Variants in PELP1 observed in about 807,000 individuals in gnomAD.
PELP1 encodes proline, glutamate and leucine rich protein 1, also known as proline-, glutamic acid- and leucine-rich protein 1.
In PELP1, 32 loss-of-function variants were observed where a neutral mutation model predicts 95.5. That is an observed-to-expected ratio of 0.34 (90% CI 0.25 to 0.45). PELP1 has a LOEUF of 0.45. Ranked by LOEUF, PELP1 falls within the 20% of genes least tolerant of loss-of-function variation. The pLI is 1.00. For missense variants in PELP1, 1,358 were observed against 1,444.8 expected (o/e 0.94, Z 0.97); for synonymous variants, 668 against 600.1 (o/e 1.11, Z -1.65).
rs202011755 is a variant in PELP1 at position 4,703,940 on chromosome 17, G to A, written c.172C>T (p.Pro58Ser). 2,929 of 1,613,496 alleles carry A rather than the reference G, an allele frequency of 1.8e-3. 3 individuals are homozygous for A. Among genetic ancestry groups the A allele is most frequent in the Non-Finnish European group, 2.4e-3 (2,775 of 1,179,754 alleles). Residue 58 changes from proline to serine, a missense_variant, in exon 1 of 17, where the codon CCC becomes TCC. By Grantham distance (74) the Pro-to-Ser change is moderately conservative. This residue lies in a region of PELP1 where 169 missense variants were observed against 134.9 expected (regional missense o/e 1.25). Coordinates refer to ENST00000572293, the MANE Select transcript of PELP1 (RefSeq NM_014389.3). The part of the protein sequence containing the change: ...RTGSAVAPVH[P>S]PNRSAPHLPG... ...AAATGTGGGGCCGAGCGGTTTGGGG[G>A]ATGCACCGGAGCAACGGCAGACCCC... is the stretch of plus-strand genomic sequence containing the variant.
At chr17:4,701,604 A>G (rs1037306387) in intron 1 of PELP1, among the ~76,000 whole-genome samples, 25 of 152,246 alleles carry the variant, frequency 1.6e-4, no homozygotes, top group Non-Finnish European at 5.9e-5. Context: ...CTGAGCTTGC[A>G]GTACCTGCGG....
At chr17:4,685,302 G>A (rs1912866177) in intron 3 of PELP1, among the ~76,000 whole-genome samples, 1 of 152,072 alleles carries the variant, frequency 6.6e-6, no homozygotes, top group African/African-American at 2.4e-5. Flanking sequence ...GTCTTCGCTT[G>A]GCCCCCCCAG....
intron 3 of PELP1, among the ~76,000 whole-genome samples, chr17:4,683,539 T>TTTTTC (rs1220411340): frequency 7.2e-6 from 1 of 138,772 alleles, no homozygotes; most frequent in Non-Finnish European, 1.6e-5. Context: ...TTCTTTTTTT[T>TTTTTC]TTTTTTTTTG....
intron 1 of PELP1, among the ~76,000 whole-genome samples, chr17:4,697,529 C>G (rs1253485433): frequency 1.3e-5 from 2 of 152,042 alleles, no homozygotes; most frequent in South Asian, 2.1e-4. Flanking sequence ...AACAAACAAA[C>G]AAAAACAAAA....
At chr17:4,676,601 G>A (rs892014562) in intron 6 of PELP1, 94 bp from the exon 7 acceptor site, 9 of 1,512,838 alleles carry the variant, frequency 5.9e-6, no homozygotes, top group Non-Finnish European at 8.2e-6. Context: ...ATGGAGATCA[G>A]AGAGAGCTCT....
In PELP1 at chr17:4,673,490, C is replaced by G; in HGVS notation, c.1639-34G>C. 1 of 1,569,552 alleles carries G rather than the reference C, an allele frequency of 6.4e-7. No individual in the cohort carries two copies. The highest frequency in any genetic ancestry group is 8.7e-7 in the Non-Finnish European group (1 of 1,149,086). On this transcript the variant is annotated intron_variant, in intron 14 of 16. Coordinates refer to ENST00000572293, the MANE Select transcript of PELP1 (RefSeq NM_014389.3). The surrounding 1 kb of genome is among the most constrained non-coding windows in gnomAD (Gnocchi z 5.7). ...GACAGAGCACACCTGGAAACATCCC[C>G]AAGACCACCCAACCCTTCTCCAGAG...
intron 5 of PELP1, among the ~76,000 whole-genome samples, chr17:4,677,922 G>C (rs981811043): frequency 2.3e-5 from 3 of 129,104 alleles, no homozygotes; most frequent in African/African-American, 8.5e-5. Context: ...GTCTCAAAAA[G>C]AAAAAAAAAA....
intron 5 of PELP1, among the ~76,000 whole-genome samples, chr17:4,680,079 T>C (rs1912635311): frequency 6.6e-6 from 1 of 152,212 alleles, no homozygotes; most frequent in Non-Finnish European, 1.5e-5. Flanking sequence ...GTTACGTCAC[T>C]TAAGTCCCTC....
At chr17:4,674,070 G>C (rs773625517) in intron 13 of PELP1, among the ~76,000 whole-genome samples, 4 of 152,154 alleles carry the variant, frequency 2.6e-5, no homozygotes, top group Non-Finnish European at 5.9e-5. Flanking sequence ...AGCTCCCCCA[G>C]GCAGCCTGCC....
intron 1 of PELP1, 69 bp from the exon 2 acceptor site, chr17:4,691,511 C>T (rs1158229410): frequency 8.0e-7 from 1 of 1,254,072 alleles, no homozygotes; most frequent in South Asian, 1.2e-5. Context: ...TCTTCAAGCC[C>T]TTCTCTGTCC....
Position 4,682,926 on chromosome 17 carries a change from C to G in PELP1, c.447G>C (p.Glu149Asp). The G allele has an allele frequency of 6.5e-7, 1 of 1,540,862 alleles. No individual in the cohort carries two copies. Among genetic ancestry groups the G allele is most frequent in the Admixed American group, 2.2e-5 (1 of 45,960 alleles). ...GGTCCCTCAGGACAGCCACGGCCAG[C>G]TCCATTGTGGCAGGCGGGTCCTGGG... ...LQTQDPPATM[E>D]LAVAVLRDLL... The change falls in exon 4 of 17, where the codon GAG (glutamate) becomes GAC (aspartate). Residue 149 changes from glutamate (E) to aspartate (D), a missense_variant. This residue lies in a region of PELP1 where 538 missense variants were observed against 628.1 expected (regional missense o/e 0.86). Transcript: ENST00000572293.
rs190040103 is a variant in PELP1, at chr17:4,673,956, G to C, written c.1583-282C>G. ...TTCTCCCCTTCCCATGGGATGGGGT[G>C]GCAGGCAGTGAAATATATGGGACCC... On this transcript the variant is annotated intron_variant, in intron 13 of 16. Coordinates refer to ENST00000572293, the MANE Select transcript of PELP1 (RefSeq NM_014389.3). The surrounding 1 kb of genome is among the most constrained non-coding windows in gnomAD (Gnocchi z 5.7). 1 of 430,650 alleles carries C rather than the reference G, an allele frequency of 2.3e-6. No individual in the cohort carries two copies. Among genetic ancestry groups the C allele is most frequent in the African/African-American group, 2.0e-5 (1 of 50,248 alleles). 26.7% of individuals were successfully genotyped at this position (430,650 alleles called of 1,614,324 possible).
chr17:4,682,477 G>C (rs370263862), intron 5 of PELP1, 25 bp downstream of exon 5: 1 of 1,472,092 alleles, frequency 6.8e-7, no homozygotes, highest in African/African-American at 1.4e-5. Context: ...TACACTGGTG[G>C]GGAGAAGAGT....
chr17:4,703,910 C>G lies in PELP1; in HGVS notation c.202G>C (p.Gly68Arg). The G allele has an allele frequency of 6.2e-7, 1 of 1,613,446 alleles. No individual in the cohort carries two copies. Residue 68 changes from glycine (G) to arginine (R), a missense_variant, in exon 1 of 17, where the codon GGG (glycine) becomes CGG (arginine). Gly to Arg is a moderately radical substitution (Grantham distance 125). This residue lies in a region of PELP1 where 169 missense variants were observed against 134.9 expected (regional missense o/e 1.25). Coordinates refer to ENST00000572293, the MANE Select transcript of PELP1 (RefSeq NM_014389.3). ...PPNRSAPHLPGLMCLLRLHGS... is the reference protein window; with the variant it reads ...PPNRSAPHLPRLMCLLRLHGS... Reference sequence around the variant, plus strand: ...TGCAGCCGCAATAGGCACATGAGCCCGGGCAAATGTGGGGCCGAGCGGTTT... The same window carrying G: ...TGCAGCCGCAATAGGCACATGAGCCGGGGCAAATGTGGGGCCGAGCGGTTT...
intron 1 of PELP1, among the ~76,000 whole-genome samples, chr17:4,700,761 C>CA (rs1312983642): frequency 6.6e-5 from 10 of 150,938 alleles, no homozygotes; most frequent in South Asian, 4.2e-4. Flanking sequence ...CCCATGTCTA[C>CA]AAAAAAAATT....
chr17:4,692,108 G>C (rs982285819), intron 1 of PELP1, among the ~76,000 whole-genome samples: 1 of 152,178 alleles, frequency 6.6e-6, no homozygotes, highest in Non-Finnish European at 1.5e-5. Flanking sequence ...AAGGAATACA[G>C]AGCTGAATAA....
chr17:4,675,318 A>G lies in PELP1; in HGVS notation c.1113T>C (p.Ser371=), dbSNP rs1303966922. The G allele has an allele frequency of 6.4e-7, 1 of 1,564,784 alleles. No individual in the cohort carries two copies. The change falls in exon 10 of 17, where the codon TCT becomes TCC. Residue 371 remains serine (S), a synonymous_variant. Transcript: ENST00000572293. The surrounding 1 kb of genome is among the most constrained non-coding windows in gnomAD (Gnocchi z 4.3). ...GCAGGTCCAAGGCCTCAAGGTGGAT[A>G]GAGGGCAGCAGCAGCAGCCGCAGGG... The part of the protein sequence containing the change: ...DGPLRLLLLP[S]IHLEALDLLS...
In PELP1 at chr17:4,704,004, C is replaced by A; in HGVS notation, c.108G>T (p.Leu36=). The change falls in exon 1 of 17, where the codon CTG becomes CTT. Residue 36 remains leucine, a synonymous_variant. Transcript: ENST00000572293. ...GCAAACCAGAAACACTCTCCAGCAGCAGCAGGCGGAGCCGCGGGCCCGAGC... is the reference window on the plus strand; with the variant it reads ...GCAAACCAGAAACACTCTCCAGCAGAAGCAGGCGGAGCCGCGGGCCCGAGC... ...AVSSGPRLRL[L]LLESVSGLLQ... The A allele has an allele frequency of 6.2e-7, 1 of 1,613,346 alleles. No individual in the cohort carries two copies. The highest frequency in any genetic ancestry group is 1.3e-5 in the African/African-American group (1 of 75,058).
chr17:4,675,132 A>G lies in PELP1; in HGVS notation c.1221T>C (p.Asn407=), dbSNP rs755985473. The G allele has an allele frequency of 4.3e-6, 7 of 1,613,872 alleles. No individual in the cohort carries two copies. The Admixed American group carries it at 1.0e-4, about 23-fold the overall frequency. ...GGGAATCTCTACCGATGCTCCAGGA[A>G]TTGAGGACCTGGGGAAGCAGGCGGC... The part of the protein sequence containing the change: ...LIGRLLPQVL[N]SWSIGRDSLS... The change falls in exon 11 of 17, where the codon AAT becomes AAC. Residue 407 remains asparagine (N), a synonymous_variant. Coordinates refer to ENST00000572293, the MANE Select transcript of PELP1 (RefSeq NM_014389.3). The surrounding 1 kb of genome is among the most constrained non-coding windows in gnomAD (Gnocchi z 4.3).
Sources: allele counts gnomAD v4.1 joint callset (sites outside exome capture counted in the v4.1 genomes callset), GRCh38; gene constraint gnomAD v4.1.1; regional missense constraint gnomAD v4.1.1; non-coding constraint Gnocchi (gnomAD v3.1); transcripts MANE v1.5; gene names NCBI Gene and HGNC (gene_info 2026-07-23, HGNC 2026-07-21).